Variants in NELL1 observed in about 807,000 individuals in gnomAD.
NELL1 encodes the protein protein kinase C-binding protein NELL1.
In NELL1, 76 loss-of-function variants were observed where a neutral mutation model predicts 107.4. The ratio of observed to expected loss-of-function variants is 0.71; its 90% CI spans 0.59 to 0.86. NELL1 has a LOEUF of 0.86. Among genes scored for constraint, NELL1 ranks in the 40% least tolerant of loss-of-function variants. NELL1 has a pLI of 0.00. For missense variants in NELL1, 1,024 were observed against 1,005.5 expected (o/e 1.02, Z -0.25); for synonymous variants, 353 against 341.2 (o/e 1.03, Z -0.38).
intron 7 of NELL1, among the ~76,000 whole-genome samples, chr11:20,920,777 T>G (rs1293214578): frequency 2.0e-5 from 3 of 152,140 alleles, no homozygotes; most frequent in Non-Finnish European, 4.4e-5. Flanking sequence ...TTTTCTCTTT[T>G]TAGCCACACA....
intron 2 of NELL1, among the ~76,000 whole-genome samples, chr11:20,679,555 A>C (rs1854141880): frequency 6.6e-6 from 1 of 152,180 alleles, no homozygotes; most frequent in African/African-American, 2.4e-5. Flanking sequence ...CTTACTAATG[A>C]ATTGGTGAAG....
intron 12 of NELL1, among the ~76,000 whole-genome samples, chr11:21,070,679 G>A (rs1853990197): frequency 6.6e-6 from 1 of 152,114 alleles, no homozygotes; most frequent in African/African-American, 2.4e-5. Flanking sequence ...TGTGAGCCGA[G>A]CATATACCAT....
rs774304851 is a variant in NELL1 at position 20,910,458 on chromosome 11, C to CT, written c.604-7723dup. Among the ~76,000 whole-genome samples, 22 of 152,304 alleles carry CT rather than the reference C, an allele frequency of 1.4e-4. No homozygotes were observed. The East Asian group carries it at 3.1e-3, about 21-fold the overall frequency. ...AATCATTCTATCACATACTTTCCAA[C>CT]TGAAACATCTCCATTTCCGGCCCCG... On this transcript the variant is annotated intron_variant, in intron 5 of 19. Coordinates refer to ENST00000357134, the MANE Select transcript of NELL1 (RefSeq NM_006157.5).
intron 14 of NELL1, among the ~76,000 whole-genome samples, chr11:21,354,730 A>G (rs1235456929): frequency 6.6e-6 from 1 of 152,344 alleles, no homozygotes; most frequent in Admixed American, 6.5e-5. Flanking sequence ...CACCCGAATT[A>G]CCCAGCTACT....
chr11:20,927,549 G>T, intron 8 of NELL1, 107 bp downstream of exon 8: 1 of 1,161,898 alleles, frequency 8.6e-7, no homozygotes, highest in Non-Finnish European at 1.2e-6. Flanking sequence ...TCTGAGAATT[G>T]TTAGGTTTTT....
intron 2 of NELL1, among the ~76,000 whole-genome samples, chr11:20,719,655 T>C (rs1241844105): frequency 6.6e-6 from 1 of 152,214 alleles, no homozygotes; most frequent in African/African-American, 2.4e-5. Flanking sequence ...CATTATAGTC[T>C]TGAAAAACTC....
At chr11:20,947,474 C>A in intron 11 of NELL1, 39 bp downstream of exon 11, 2 of 1,452,666 alleles carry the variant, frequency 1.4e-6, no homozygotes, top group Non-Finnish European at 1.9e-6. Flanking sequence ...TGGGGTGAGG[C>A]TGGGGCTGGT....
intron 3 of NELL1, among the ~76,000 whole-genome samples, chr11:20,821,147 A>G (rs921773573): frequency 2.0e-5 from 3 of 152,182 alleles, no homozygotes; most frequent in African/African-American, 7.2e-5. Context: ...AGCATGAGTC[A>G]GAGTTTACCA....
intron 13 of NELL1, among the ~76,000 whole-genome samples, chr11:21,135,118 C>T (rs1051826416): frequency 9.2e-5 from 14 of 152,118 alleles, no homozygotes; most frequent in East Asian, 3.8e-4. Context: ...GGGAAAAGCA[C>T]GCTATCACCT....
At chr11:20,753,499 T>C (rs1039465518) in intron 2 of NELL1, among the ~76,000 whole-genome samples, 1 of 152,220 alleles carries the variant, frequency 6.6e-6, no homozygotes, top group African/African-American at 2.4e-5. Flanking sequence ...TGCCCCTACA[T>C]TAATCACATT....
At chr11:20,953,493 G>A (rs1851108857) in intron 11 of NELL1, among the ~76,000 whole-genome samples, 1 of 152,070 alleles carries the variant, frequency 6.6e-6, no homozygotes, top group Non-Finnish European at 1.5e-5. Context: ...CAGTGTGGGG[G>A]GGCCTCAGTG....
Position 21,223,289 on chromosome 11 carries a change from A to C in NELL1, c.1427-6043A>C, listed in dbSNP as rs148163992. Among the ~76,000 whole-genome samples, 726 of 152,110 alleles carry C rather than the reference A, an allele frequency of 4.8e-3. 6 individuals are homozygous for C. The highest frequency in any genetic ancestry group is 0.017 in the African/African-American group (698 of 41,496). ...TTACAATTGTTATATATACTTGCTG[A>C]ATTGATTCCCTTATCATTATATAAT... On this transcript the variant is annotated intron_variant, in intron 13 of 19. Coordinates refer to ENST00000357134, the MANE Select transcript of NELL1 (RefSeq NM_006157.5).
chr11:21,275,024 G>T (rs1489449407), intron 14 of NELL1, among the ~76,000 whole-genome samples: 1 of 152,156 alleles, frequency 6.6e-6, no homozygotes, highest in African/African-American at 2.4e-5. Flanking sequence ...TCAAAAGCTA[G>T]CAGAAGGCAA....
At chr11:20,978,393 A>G (rs1851683044) in intron 12 of NELL1, among the ~76,000 whole-genome samples, 1 of 152,092 alleles carries the variant, frequency 6.6e-6, no homozygotes, top group Non-Finnish European at 1.5e-5. Flanking sequence ...TAAATAAATG[A>G]CATGCCTTCA....
chr11:20,936,898 A>T lies in NELL1; in HGVS notation c.998-888A>T, dbSNP rs1055510404. 1.2e-4 allele frequency among the ~76,000 whole-genome samples: 18 copies of T among 152,278 alleles called. No individual in the cohort carries two copies. The East Asian group carries it at 3.5e-3, about 29-fold the overall frequency. On this transcript the variant is annotated intron_variant, in intron 9 of 19. Transcript: ENST00000357134. The stretch of plus-strand genomic sequence containing the variant: ...GGTGGTTCTATAAGACCAACACCGA[A>T]TTAGTGGGTGAGATCTCTTAGAGTG...
At chr11:20,883,956 CA>C (rs1455573005) in intron 4 of NELL1, among the ~76,000 whole-genome samples, 1 of 152,156 alleles carries the variant, frequency 6.6e-6, no homozygotes, top group Admixed American at 6.5e-5. Context: ...TTCTAAGATA[CA>C]AAAAAGGTTA....
chr11:21,170,209 A>C, intron 13 of NELL1: 1 of 499,594 alleles, frequency 2.0e-6, no homozygotes, highest in Non-Finnish European at 3.6e-6. Flanking sequence ...TCATCTGTCG[A>C]ACGTGTTGGG....
At chr11:21,355,263 C>A (rs143136006) in intron 14 of NELL1, among the ~76,000 whole-genome samples, 2 of 152,144 alleles carry the variant, frequency 1.3e-5, no homozygotes, top group African/African-American at 4.8e-5. Context: ...TAGTGAGAGG[C>A]AGACTGCAAA....
At chr11:21,401,353 C>A (rs7128719) in intron 15 of NELL1, among the ~76,000 whole-genome samples, 49,916 of 151,604 alleles carry the variant, frequency 0.33, 8,564 homozygotes, top group Non-Finnish European at 0.38. Context: ...ATTGGGAAGA[C>A]TTTATTTGTT....
Sources: gnomAD v4.1 joint callset for allele counts (sites outside exome capture counted in the v4.1 genomes callset) on GRCh38, gnomAD v4.1.1 for gene constraint, MANE v1.5 for transcripts, NCBI Gene and HGNC (gene_info 2026-07-23, HGNC 2026-07-21) for gene names.